CCDC102B: variants seen among roughly 807,000 people sequenced by gnomAD.
CCDC102B encodes the protein coiled-coil domain-containing protein 102B.
A neutral mutation model predicts 57.4 loss-of-function variants in CCDC102B; 75 were observed. The observed-to-expected ratio is 1.31, with a 90% confidence interval of 1.08 to 1.58. The LOEUF (loss-of-function observed/expected upper bound fraction) is 1.58, where lower values mean the gene tolerates loss of function less well. Ranked by LOEUF, CCDC102B falls within the 40% of genes most tolerant of loss-of-function variation. The pLI, the probability that CCDC102B is intolerant of heterozygous loss-of-function variation, is 0.00. For synonymous variants in CCDC102B, 206 were observed against 201.9 expected (o/e 1.02, Z -0.17); for missense variants, 636 against 582.6 (o/e 1.09, Z -0.94).
chr18:68,795,717 A>C (rs2035607829), upstream of CCDC102B, among the ~76,000 whole-genome samples: 1 of 152,146 alleles, frequency 6.6e-6, no homozygotes, highest in Non-Finnish European at 1.5e-5. Context: ...GTGTAACCTG[A>C]TTACATCTTC....
At chr18:68,917,412 C>T (rs1181083269) in intron 6 of CCDC102B, among the ~76,000 whole-genome samples, 2 of 152,144 alleles carry the variant, frequency 1.3e-5, no homozygotes, top group Non-Finnish European at 2.9e-5. Context: ...GGGAAAGATG[C>T]AAAGAAAGGA....
chr18:68,717,869 G>A (rs1014506038), intron 2 of CCDC102B: 36 of 152,058 alleles, frequency 2.4e-4, no homozygotes, highest in African/African-American at 8.7e-4. Context: ...CTTAATTGCC[G>A]GTATGATAAC....
At chr18:68,827,660 T>C (rs369174146) in intron 1 of CCDC102B, among the ~76,000 whole-genome samples, 9 of 152,118 alleles carry the variant, frequency 5.9e-5, no homozygotes, top group African/African-American at 2.2e-4. Context: ...ATAATTACTG[T>C]AAATGTAAAT....
intron 7 of CCDC102B, among the ~76,000 whole-genome samples, chr18:69,013,432 T>C (rs1470546195): frequency 6.6e-6 from 1 of 152,184 alleles, no homozygotes; most frequent in African/African-American, 2.4e-5. Context: ...AAATGTCCAT[T>C]ATTCTGGTGA....
At chr18:68,747,061 T>C (rs2145235551) in intron 2 of CCDC102B, among the ~76,000 whole-genome samples, 1 of 152,156 alleles carries the variant, frequency 6.6e-6, no homozygotes, top group Middle Eastern at 3.4e-3. Flanking sequence ...ATCTCAACCA[T>C]TTGTCATTTC....
chr18:68,885,425 AAGAC>A (rs2039849716), intron 5 of CCDC102B, among the ~76,000 whole-genome samples: 1 of 152,040 alleles, frequency 6.6e-6, no homozygotes, highest in African/African-American at 2.4e-5. Context: ...TAATACCAAA[AAGAC>A]AGAGCAAAGT....
At position 68,887,868 on chromosome 18, in the gene CCDC102B, G is replaced by A. The variant is rs543630494; in HGVS notation, c.1054-9351G>A. On this transcript the variant is annotated intron_variant, in intron 5 of 7. Coordinates refer to ENST00000360242, the MANE Select transcript of CCDC102B (RefSeq NM_024781.3). ...CAAGAGTATAAATAAAATTCTGGAA[G>A]CAGGACACTGGGAATGATGGTGATA... 8.3e-4 allele frequency among the ~76,000 whole-genome samples: 126 copies of A among 152,324 alleles called. 1 individual carries two copies. Among genetic ancestry groups the A allele is most frequent in the African/African-American group, 2.8e-3 (117 of 41,586 alleles).
At chr18:68,973,935 G>A (rs560108421) in intron 6 of CCDC102B, among the ~76,000 whole-genome samples, 7 of 152,018 alleles carry the variant, frequency 4.6e-5, no homozygotes, top group South Asian at 2.1e-4. Flanking sequence ...TCCCATCCAC[G>A]GCATCTTAGC....
chr18:68,975,850 T>TAA (rs750348084), intron 6 of CCDC102B, among the ~76,000 whole-genome samples: 1 of 140,144 alleles, frequency 7.1e-6, no homozygotes. Flanking sequence ...CACTTTCATT[T>TAA]AAAAAAAAAA....
intron 6 of CCDC102B, among the ~76,000 whole-genome samples, chr18:68,998,815 T>C (rs970075683): frequency 1.3e-5 from 2 of 151,974 alleles, no homozygotes; most frequent in African/African-American, 4.8e-5. Context: ...AGATGGTGCC[T>C]ACCCAGACTG....
intron 2 of CCDC102B, among the ~76,000 whole-genome samples, chr18:68,756,602 T>C (rs143667129): frequency 1.3e-5 from 2 of 152,156 alleles, no homozygotes; most frequent in African/African-American, 2.4e-5. Flanking sequence ...TCATGCCCAA[T>C]GTAATCTTTA....
rs116395427 is a variant in CCDC102B, at chr18:68,990,692, G to A, written c.1264-20242G>A. On this transcript the variant is annotated intron_variant, in intron 6 of 7. Coordinates refer to ENST00000360242, the MANE Select transcript of CCDC102B (RefSeq NM_024781.3). ...AGATGTTAAAGCTTTATAATTTTCC[G>A]CTTGAAGAATTATTTATTCAATTAG... Among the ~76,000 whole-genome samples, 960 of 151,946 alleles carry A rather than the reference G, an allele frequency of 6.3e-3. 6 individuals are homozygous for A. Among genetic ancestry groups the A allele is most frequent in the African/African-American group, 0.021 (881 of 41,430 alleles).
chr18:68,837,479 AC>A, intron 2 of CCDC102B, 110 bp downstream of exon 2: 1 of 964,862 alleles, frequency 1.0e-6, no homozygotes, highest in Non-Finnish European at 1.6e-6. Context: ...TGCCAGGGCT[AC>A]CATAACAAAG....
intron 4 of CCDC102B, among the ~76,000 whole-genome samples, chr18:68,857,088 T>A (rs557669082): frequency 2.3e-5 from 2 of 88,540 alleles, no homozygotes; most frequent in Admixed American, 1.6e-4. Context: ...ATAAATATAT[T>A]TATATATTTT....
chr18:68,780,343 T>C (rs1237292926), intron 2 of CCDC102B, among the ~76,000 whole-genome samples: 2 of 152,142 alleles, frequency 1.3e-5, no homozygotes, highest in Admixed American at 6.6e-5. Flanking sequence ...TGTGTGAATG[T>C]AGGTGTTTAT....
intron 7 of CCDC102B, among the ~76,000 whole-genome samples, chr18:69,023,691 A>G (rs1447178972): frequency 6.6e-6 from 1 of 152,008 alleles, no homozygotes; most frequent in Admixed American, 6.6e-5. Flanking sequence ...GGAGAGAAAG[A>G]GCTCTACCAT....
intron 6 of CCDC102B, among the ~76,000 whole-genome samples, chr18:68,994,155 G>T (rs961223615): frequency 7.9e-5 from 12 of 152,058 alleles, no homozygotes; most frequent in East Asian, 3.9e-4. Flanking sequence ...CTTAAAAACT[G>T]CTTTTTAAAA....
Position 68,745,037 on chromosome 18 carries a change from A to G in CCDC102B, c.-67+28443A>G, listed in dbSNP as rs117102087. Reference sequence around the variant, plus strand: ...CTAGGAGAATGCAAAGCTGAGCACCATCAGGGCAGACCTATTCATCTTCAC... The same window carrying G: ...CTAGGAGAATGCAAAGCTGAGCACCGTCAGGGCAGACCTATTCATCTTCAC... On this transcript the variant is annotated intron_variant, in intron 2 of 3. Transcript: ENST00000578970. 9.9e-5 allele frequency among the ~76,000 whole-genome samples: 15 copies of G among 152,282 alleles called. No individual in the cohort carries two copies. The East Asian group carries it at 2.9e-3, about 29-fold the overall frequency.
At chr18:68,866,525 A>T in intron 4 of CCDC102B, 1 of 176,368 alleles carries the variant, frequency 5.7e-6, no homozygotes. Context: ...AGATGGTTGT[A>T]CTCTTGCAAA....
Sources: gnomAD v4.1 joint callset for allele counts (sites outside exome capture counted in the v4.1 genomes callset) on GRCh38, gnomAD v4.1.1 for gene constraint, MANE v1.5 for transcripts, NCBI Gene and HGNC (gene_info 2026-07-23, HGNC 2026-07-21) for gene names.